The following AKT3 variants were observed in gnomAD, a reference collection of about 807,000 sequenced individuals.
AKT3 encodes the protein RAC-gamma serine/threonine-protein kinase.
Under a neutral mutation model 65.3 loss-of-function variants are expected in AKT3, and 15 were observed. The ratio of observed to expected loss-of-function variants is 0.23; its 90% CI spans 0.15 to 0.35. The LOEUF is 0.35. Ranked by LOEUF, AKT3 falls within the 10% of genes least tolerant of loss-of-function variation. AKT3 has a pLI of 1.00. For synonymous variants in AKT3, 206 were observed against 183.8 expected (o/e 1.12, Z -0.98); for missense variants, 243 against 576.5 (o/e 0.42, Z 5.92).
chr1:243,571,390 G>C (rs1054004681), intron 9 of AKT3, among the ~76,000 whole-genome samples: 1 of 152,128 alleles, frequency 6.6e-6, no homozygotes, highest in African/African-American at 2.4e-5. Flanking sequence ...TACTGACCAA[G>C]ACCATAATCA....
At chr1:243,598,362 T>A (rs1676774547) in intron 8 of AKT3, among the ~76,000 whole-genome samples, 1 of 152,222 alleles carries the variant, frequency 6.6e-6, no homozygotes. Flanking sequence ...CTTTATCAAG[T>A]TAAGTTCCTT....
At chr1:243,770,955 A>G (rs1383937939) in intron 2 of AKT3, among the ~76,000 whole-genome samples, 1 of 152,174 alleles carries the variant, frequency 6.6e-6, no homozygotes, top group East Asian at 1.9e-4. Context: ...AAGCTCTGAG[A>G]GAAGTCTTCT....
chr1:243,554,099 T>C (rs1673253322), intron 10 of AKT3, among the ~76,000 whole-genome samples: 1 of 152,194 alleles, frequency 6.6e-6, no homozygotes, highest in South Asian at 2.1e-4. Flanking sequence ...ATTTAAAATT[T>C]ACCAATAATC....
rs932172786 is a variant in AKT3 at position 243,820,075 on chromosome 1, C to T, written c.46+23050G>A. 6.6e-5 allele frequency among the ~76,000 whole-genome samples: 10 copies of T among 152,274 alleles called. No homozygotes were observed. The East Asian group carries it at 1.5e-3, about 24-fold the overall frequency. On this transcript the variant is annotated intron_variant, in intron 2 of 13. Coordinates refer to ENST00000673466, the MANE Select transcript of AKT3 (RefSeq NM_005465.7). ...CTGGGACTACAGGCGCATGCCACCA[C>T]GCCCAGCTAATTTTTTGTATTTTTT...
intron 2 of AKT3, among the ~76,000 whole-genome samples, chr1:243,794,969 C>T (rs564100838): frequency 1.6e-4 from 24 of 152,240 alleles, no homozygotes; most frequent in East Asian, 1.3e-3. Flanking sequence ...TTCTCTTTAC[C>T]CTCATGGATT....
chr1:243,506,403 T>C (rs1352425549), intron 13 of AKT3, among the ~76,000 whole-genome samples: 5 of 152,246 alleles, frequency 3.3e-5, no homozygotes, highest in Non-Finnish European at 5.9e-5. Context: ...ACCAATTTTT[T>C]TGAATATTCT....
chr1:243,788,952 T>A (rs1691444458), intron 2 of AKT3: 1 of 162,562 alleles, frequency 6.2e-6, no homozygotes, highest in African/African-American at 2.4e-5. Flanking sequence ...TCCTCTCACA[T>A]CATGCCATTG....
chr1:243,669,488 C>CT (rs1005475137), intron 3 of AKT3, among the ~76,000 whole-genome samples: 1 of 152,168 alleles, frequency 6.6e-6, no homozygotes, highest in Non-Finnish European at 1.5e-5. Context: ...AGATAATGGA[C>CT]TCTGCAATCA....
At chr1:243,685,619 T>C (rs570120798) in intron 3 of AKT3, among the ~76,000 whole-genome samples, 5 of 152,284 alleles carry the variant, frequency 3.3e-5, no homozygotes, top group South Asian at 2.1e-4. Context: ...GCGTGATGCC[T>C]CCAGCTTTGT....
At chr1:243,712,423 G>T (rs1444610607) in intron 2 of AKT3, among the ~76,000 whole-genome samples, 1 of 152,156 alleles carries the variant, frequency 6.6e-6, no homozygotes, top group African/African-American at 2.4e-5. Flanking sequence ...AGCTCTGTCA[G>T]TACGTTGGCC....
intron 12 of AKT3, among the ~76,000 whole-genome samples, chr1:243,518,018 G>C (rs554476261): frequency 4.5e-4 from 68 of 152,198 alleles, no homozygotes; most frequent in Non-Finnish European, 7.9e-4. Flanking sequence ...TTAGAGATCA[G>C]GAAATTAAAG....
At position 243,680,491 on chromosome 1, in the gene AKT3, A is replaced by T. The variant is rs561978207; in HGVS notation, c.172+15100T>A. ...TTATGTATTATTTCCAACCCAAAAG[A>T]ACGCCTCTGTATCTTTCCTAAATTC... On this transcript the variant is annotated intron_variant, in intron 3 of 13. Coordinates refer to ENST00000673466, the MANE Select transcript of AKT3 (RefSeq NM_005465.7). 3.0e-4 allele frequency among the ~76,000 whole-genome samples: 45 copies of T among 152,156 alleles called. No homozygotes were observed. The South Asian group carries it at 8.5e-3, about 29-fold the overall frequency.
chr1:243,523,609 A>G (rs1168908203), intron 12 of AKT3, among the ~76,000 whole-genome samples: 1 of 152,160 alleles, frequency 6.6e-6, no homozygotes, highest in East Asian at 1.9e-4. Context: ...GCCCCTAAAT[A>G]TTCATACTAA....
chr1:243,772,233 A>G (rs1314196073), intron 2 of AKT3, among the ~76,000 whole-genome samples: 1 of 152,156 alleles, frequency 6.6e-6, no homozygotes, highest in Non-Finnish European at 1.5e-5. Context: ...AAAAGAAACT[A>G]CCATCAGAGT....
At chr1:243,633,668 G>A (rs1679770479) in intron 6 of AKT3, among the ~76,000 whole-genome samples, 1 of 152,038 alleles carries the variant, frequency 6.6e-6, no homozygotes, top group Non-Finnish European at 1.5e-5. Context: ...GAATTAAAAT[G>A]TTTCACTAAA....
chr1:243,636,517 C>G (rs1679984024), intron 6 of AKT3, among the ~76,000 whole-genome samples: 1 of 151,984 alleles, frequency 6.6e-6, no homozygotes, highest in East Asian at 1.9e-4. Flanking sequence ...TCCCAATCCT[C>G]AAAATATTCC....
intron 8 of AKT3, among the ~76,000 whole-genome samples, chr1:243,598,275 CAT>C (rs543341488): frequency 1.4e-3 from 217 of 152,144 alleles, no homozygotes; most frequent in Non-Finnish European, 2.3e-3. Context: ...TATTAAAAAT[CAT>C]ATATAATAGT....
intron 12 of AKT3, among the ~76,000 whole-genome samples, chr1:243,533,592 G>A (rs899077770): frequency 1.3e-5 from 2 of 152,190 alleles, no homozygotes; most frequent in Non-Finnish European, 2.9e-5. Flanking sequence ...AATATGTTAT[G>A]AGAGGGAAAA....
chr1:243,521,493 G>A (rs930893030), intron 12 of AKT3, among the ~76,000 whole-genome samples: 1 of 152,164 alleles, frequency 6.6e-6, no homozygotes, highest in African/African-American at 2.4e-5. Context: ...AAACTAATGG[G>A]TATGTGGCAT....
Sources: gnomAD v4.1 joint callset for allele counts (sites outside exome capture counted in the v4.1 genomes callset) on GRCh38, gnomAD v4.1.1 for gene constraint, MANE v1.5 for transcripts, NCBI Gene and HGNC (gene_info 2026-07-23, HGNC 2026-07-21) for gene names.